Variants in FRMD4A observed in about 807,000 individuals in gnomAD.
FRMD4A encodes FERM domain containing 4A, also known as FERM domain-containing protein 4A.
Under a neutral mutation model 129.1 loss-of-function variants are expected in FRMD4A, and 29 were observed. The observed-to-expected ratio is 0.22, with a 90% confidence interval of 0.17 to 0.31. The LOEUF is 0.31. Among genes scored for constraint, FRMD4A ranks in the 10% least tolerant of loss-of-function variants. The pLI is 1.00. For missense variants in FRMD4A, 1,272 were observed against 1,375.8 expected (o/e 0.92, Z 1.19); for synonymous variants, 634 against 571.6 (o/e 1.11, Z -1.56).
At chr10:14,310,113 C>T (rs1345679962) in intron 2 of FRMD4A, among the ~76,000 whole-genome samples, 1 of 152,196 alleles carries the variant, frequency 6.6e-6, no homozygotes, top group African/African-American at 2.4e-5. Context: ...GAGGATGTGG[C>T]CCTGCCTCCC....
At chr10:13,942,340 C>A (rs571147045) in intron 2 of FRMD4A, among the ~76,000 whole-genome samples, 1 of 152,128 alleles carries the variant, frequency 6.6e-6, no homozygotes, top group African/African-American at 2.4e-5. Context: ...GCAGCCAGGG[C>A]GAACCTGCAA....
chr10:14,045,503 T>C (rs1833950661), intron 2 of FRMD4A, among the ~76,000 whole-genome samples: 1 of 151,962 alleles, frequency 6.6e-6, no homozygotes, highest in Non-Finnish European at 1.5e-5. Context: ...ACATTTATTA[T>C]AAAACATTTA....
chr10:13,971,695 C>A lies in FRMD4A; in HGVS notation c.46-112783G>T, dbSNP rs1371715381. On this transcript the variant is annotated intron_variant, in intron 2 of 24. Transcript: ENST00000357447. ...TGGAGATGCACCATGGTTTTAGCAG[C>A]AGCTGCAGAACTCGAATGTTCCTCA... is the stretch of plus-strand genomic sequence containing the variant. 4 of 1,304,330 alleles carry A rather than the reference C, an allele frequency of 3.1e-6. No individual in the cohort carries two copies. The African/African-American group carries it at 4.5e-5, about 15-fold the overall frequency. 80.8% of individuals were successfully genotyped at this position (1,304,330 alleles called of 1,614,324 possible).
At chr10:13,777,383 C>T (rs1387216068) in intron 6 of FRMD4A, among the ~76,000 whole-genome samples, 8 of 151,972 alleles carry the variant, frequency 5.3e-5, no homozygotes, top group African/African-American at 1.9e-4. Flanking sequence ...AAATATTATT[C>T]TTGATCACAG....
chr10:14,068,792 T>C (rs770500954), intron 2 of FRMD4A, among the ~76,000 whole-genome samples: 4 of 152,202 alleles, frequency 2.6e-5, no homozygotes, highest in Non-Finnish European at 4.4e-5. Flanking sequence ...CCTGTTTGTT[T>C]GTTTTTTTCC....
chr10:13,941,358 C>T (rs1336335911), intron 2 of FRMD4A, among the ~76,000 whole-genome samples: 1 of 152,188 alleles, frequency 6.6e-6, no homozygotes, highest in African/African-American at 2.4e-5. Context: ...GCCTCCTCAG[C>T]CACATGGAAC....
In FRMD4A at chr10:14,104,599, C is replaced by G. The variant is rs559303964; in HGVS notation, c.45+225459G>C. ...GGCCCTGGCCCCATCTGTGCTGTAACCCCAGCCCGACCTGAGTAGAAAGGC... is the reference window on the plus strand; with the variant it reads ...GGCCCTGGCCCCATCTGTGCTGTAAGCCCAGCCCGACCTGAGTAGAAAGGC... On this transcript the variant is annotated intron_variant, in intron 2 of 24. Coordinates refer to ENST00000357447, the MANE Select transcript of FRMD4A (RefSeq NM_018027.5). Among the ~76,000 whole-genome samples the G allele has an allele frequency of 4.6e-5, 7 of 152,330 alleles. No homozygotes were observed. The South Asian group carries it at 1.2e-3, about 27-fold the overall frequency.
chr10:14,017,481 T>C (rs764648003), intron 2 of FRMD4A, among the ~76,000 whole-genome samples: 41 of 152,256 alleles, frequency 2.7e-4, no homozygotes, highest in Non-Finnish European at 5.1e-4. Context: ...CCAATAGCTG[T>C]TGACTCAATT....
At chr10:13,955,879 C>T (rs1440947017) in intron 2 of FRMD4A, among the ~76,000 whole-genome samples, 1 of 152,190 alleles carries the variant, frequency 6.6e-6, no homozygotes, top group African/African-American at 2.4e-5. Flanking sequence ...ATACATAAAG[C>T]AGTATGTATG....
intron 2 of FRMD4A, among the ~76,000 whole-genome samples, chr10:14,310,712 C>G (rs1413824114): frequency 6.6e-6 from 1 of 152,136 alleles, no homozygotes; most frequent in Non-Finnish European, 1.5e-5. Context: ...TAGCCCGAAC[C>G]AGTTTTTTGC....
intron 16 of FRMD4A, among the ~76,000 whole-genome samples, chr10:13,673,309 T>A (rs1046280929): frequency 3.9e-4 from 59 of 152,234 alleles, no homozygotes; most frequent in African/African-American, 1.4e-3. Context: ...GGCTCCGGTT[T>A]AAATCAATCC....
At chr10:14,085,577 A>G (rs1284762134) in intron 2 of FRMD4A, among the ~76,000 whole-genome samples, 1 of 152,156 alleles carries the variant, frequency 6.6e-6, no homozygotes, top group Non-Finnish European at 1.5e-5. Flanking sequence ...TTGCCTTTCA[A>G]CTCAAAGCCC....
At chr10:14,032,822 G>T (rs1253805195) in intron 2 of FRMD4A, among the ~76,000 whole-genome samples, 1 of 152,204 alleles carries the variant, frequency 6.6e-6, no homozygotes, top group Admixed American at 6.5e-5. Flanking sequence ...AAGGAAATGG[G>T]GCTGAGTGTG....
intron 2 of FRMD4A, among the ~76,000 whole-genome samples, chr10:14,053,984 G>A (rs1178899448): frequency 1.3e-5 from 2 of 151,868 alleles, no homozygotes; most frequent in South Asian, 2.1e-4. Flanking sequence ...TCCAGCCTCG[G>A]CAATAGAGTG....
chr10:13,786,977 A>G (rs998815234), intron 5 of FRMD4A, among the ~76,000 whole-genome samples: 2 of 152,212 alleles, frequency 1.3e-5, no homozygotes, highest in Non-Finnish European at 2.9e-5. Flanking sequence ...TTAAGAAAAT[A>G]TAACGCTTCC....
At chr10:13,960,586 G>A (rs919190616) in intron 2 of FRMD4A, among the ~76,000 whole-genome samples, 1 of 152,350 alleles carries the variant, frequency 6.6e-6, no homozygotes. Flanking sequence ...CTCCGAAGGG[G>A]AAGCGATTTG....
intron 2 of FRMD4A, among the ~76,000 whole-genome samples, chr10:13,962,386 C>G (rs2095451565): frequency 6.6e-6 from 1 of 152,180 alleles, no homozygotes; most frequent in Non-Finnish European, 1.5e-5. Context: ...GAAATATACT[C>G]TGAACATTTC....
intron 2 of FRMD4A, among the ~76,000 whole-genome samples, chr10:14,243,862 G>GAA (rs1372164903): frequency 6.6e-6 from 1 of 150,870 alleles, no homozygotes; most frequent in Non-Finnish European, 1.5e-5. Flanking sequence ...TCAGCCCCAG[G>GAA]ACTGCAATCT....
chr10:14,008,182 G>GTGTA lies in FRMD4A; in HGVS notation c.46-149271_46-149270insTACA, dbSNP rs1182614481. The GTGTA allele has an allele frequency of 3.4e-6, 4 of 1,177,326 alleles. No homozygotes were observed. In the African/African-American group the frequency reaches 6.3e-5, roughly 19 times the overall value. 72.9% of individuals were successfully genotyped at this position (1,177,326 alleles called of 1,614,324 possible). A position where few individuals can be genotyped will look rare whatever the true frequency, so the allele number is the denominator to read the frequency against. On this transcript the variant is annotated intron_variant, in intron 2 of 24. Coordinates refer to ENST00000357447, the MANE Select transcript of FRMD4A (RefSeq NM_018027.5). Reference sequence around the variant, plus strand: ...TACAGCTGTGTGTGTGTGTGTGTGTGTGTGTGTGTGTGTGTGTGTGTGTGT... The same window carrying GTGTA: ...TACAGCTGTGTGTGTGTGTGTGTGTGTGTATGTGTGTGTGTGTGTGTGTGTGTGT...
Sources: allele counts gnomAD v4.1 joint callset (sites outside exome capture counted in the v4.1 genomes callset), GRCh38; gene constraint gnomAD v4.1.1; transcripts MANE v1.5; gene names NCBI Gene and HGNC (gene_info 2026-07-23, HGNC 2026-07-21).